Variants in BICC1 observed in about 807,000 individuals in gnomAD.
BICC1 encodes protein bicaudal C homolog 1.
BICC1 carries 43 observed loss-of-function variants against 111.0 expected under a neutral mutation model. The ratio of observed to expected loss-of-function variants is 0.39; its 90% CI spans 0.30 to 0.50. The LOEUF (loss-of-function observed/expected upper bound fraction) is 0.50, where lower values mean the gene tolerates loss of function less well. Among genes scored for constraint, BICC1 ranks in the 20% least tolerant of loss-of-function variants. The pLI is 0.88. For synonymous variants in BICC1, 467 were observed against 434.4 expected, an observed-to-expected ratio of 1.07 and a Z score of -0.93; for missense variants, 1,091 against 1,203.2, an observed-to-expected ratio of 0.91 and a Z score of 1.38.
At chr10:58,694,736 A>G (rs905342525) in intron 2 of BICC1, among the ~76,000 whole-genome samples, 1 of 152,146 alleles carries the variant, frequency 6.6e-6, no homozygotes, top group Non-Finnish European at 1.5e-5. Flanking sequence ...TGGTGGGGAC[A>G]CTAATCTAGT....
chr10:58,802,820 A>G (rs1387623525), intron 14 of BICC1, among the ~76,000 whole-genome samples: 1 of 152,244 alleles, frequency 6.6e-6, no homozygotes, highest in Non-Finnish European at 1.5e-5. Context: ...CTTTAGCCCT[A>G]CAGTCAGAGT....
chr10:58,720,597 CATT>C (rs1042365587), intron 3 of BICC1, among the ~76,000 whole-genome samples: 1 of 152,112 alleles, frequency 6.6e-6, no homozygotes, highest in Non-Finnish European at 1.5e-5. Flanking sequence ...TGGGGAGAAT[CATT>C]ATGTGTTACA....
intron 3 of BICC1, among the ~76,000 whole-genome samples, chr10:58,751,417 A>G (rs1018143800): frequency 3.3e-5 from 5 of 152,208 alleles, no homozygotes; most frequent in Non-Finnish European, 7.3e-5. Context: ...GTAATAAAAT[A>G]TAAATGTTAA....
intron 2 of BICC1, among the ~76,000 whole-genome samples, chr10:58,661,151 G>C (rs1411254804): frequency 2.6e-5 from 4 of 151,884 alleles, no homozygotes; most frequent in Admixed American, 1.3e-4. Flanking sequence ...GGTTTTTTAA[G>C]GGGGAAGATT....
At chr10:58,713,126 T>G (rs1223757945) in intron 3 of BICC1, among the ~76,000 whole-genome samples, 1 of 152,146 alleles carries the variant, frequency 6.6e-6, no homozygotes, top group Non-Finnish European at 1.5e-5. Context: ...AAAAGGAAAG[T>G]GAGGAAAATG....
chr10:58,631,980 G>T (rs1410678108), intron 2 of BICC1, among the ~76,000 whole-genome samples: 3 of 138,212 alleles, frequency 2.2e-5, no homozygotes, highest in Non-Finnish European at 4.9e-5. Flanking sequence ...TTCCTAGGTT[G>T]GTAGGTTCCA....
chr10:58,698,896 T>C (rs933436308), intron 2 of BICC1, among the ~76,000 whole-genome samples: 2 of 152,198 alleles, frequency 1.3e-5, no homozygotes, highest in Admixed American at 6.5e-5. Context: ...CTGGTATTTG[T>C]CTCCGGAGTC....
At chr10:58,659,876 G>A (rs1269308606) in intron 2 of BICC1, among the ~76,000 whole-genome samples, 1 of 152,126 alleles carries the variant, frequency 6.6e-6, no homozygotes, top group African/African-American at 2.4e-5. Context: ...TATTATTATA[G>A]CAACAAAGTA....
intron 17 of BICC1, among the ~76,000 whole-genome samples, chr10:58,811,095 G>T (rs1843888834): frequency 6.6e-6 from 1 of 152,274 alleles, no homozygotes; most frequent in East Asian, 1.9e-4. Flanking sequence ...TAGATAAGAA[G>T]CAGGCACTTT....
At chr10:58,693,331 G>A (rs1839969615) in intron 2 of BICC1, among the ~76,000 whole-genome samples, 1 of 152,160 alleles carries the variant, frequency 6.6e-6, no homozygotes. Flanking sequence ...ACATGTGCAT[G>A]TGTCTTTATA....
intron 3 of BICC1, among the ~76,000 whole-genome samples, chr10:58,769,394 G>GTATATATATATA (rs1424916212): frequency 7.5e-5 from 8 of 107,338 alleles, no homozygotes; most frequent in African/African-American, 2.1e-4. Flanking sequence ...GTGTGTGTGT[G>GTATATATATATA]TGTGTGTGTG....
At chr10:58,577,383 A>G (rs986848072) in intron 1 of BICC1, among the ~76,000 whole-genome samples, 17 of 152,172 alleles carry the variant, frequency 1.1e-4, no homozygotes, top group African/African-American at 4.1e-4. Context: ...TACAAATTTA[A>G]AAGATAGGGA....
chr10:58,607,807 C>A (rs1409542943), intron 1 of BICC1, among the ~76,000 whole-genome samples: 1 of 152,182 alleles, frequency 6.6e-6, no homozygotes, highest in African/African-American at 2.4e-5. Flanking sequence ...ATAACTGCTA[C>A]ATGGCTGTCT....
intron 1 of BICC1, among the ~76,000 whole-genome samples, chr10:58,608,359 C>T (rs1294989773): frequency 6.6e-6 from 1 of 152,156 alleles, no homozygotes; most frequent in East Asian, 1.9e-4. Flanking sequence ...CTCCCCTGGC[C>T]TGTACCATCT....
At chr10:58,693,705 GTTGT>G (rs756986681) in intron 2 of BICC1, among the ~76,000 whole-genome samples, 17 of 152,156 alleles carry the variant, frequency 1.1e-4, no homozygotes, top group South Asian at 2.1e-4. Context: ...TTTTGATGGG[GTTGT>G]TTGTTTTTTT....
rs751441862 is a variant in BICC1 at position 58,798,551 on chromosome 10, A to G, written c.1519A>G (p.Ser507Gly). 3 of 1,607,178 alleles carry G rather than the reference A, an allele frequency of 1.9e-6. No individual in the cohort carries two copies. The South Asian group carries it at 3.3e-5, about 18-fold the overall frequency. ...GGCACCCCCACTTGCTAATACTTCA[A>G]GTGCCACAGGTCAGTATCATTTAAG... is the stretch of plus-strand genomic sequence containing the variant. The part of the protein sequence containing the change: ...LWAPPLANTS[S>G]ATGFSAIPHL... Residue 507 changes from serine (S) to glycine (G), a missense_variant, in exon 11 of 21, where the codon AGT (serine) becomes GGT (glycine). By Grantham distance (56) the Ser-to-Gly change is moderately conservative (BLOSUM62 0). Coordinates refer to ENST00000373886, the MANE Select transcript of BICC1 (RefSeq NM_001080512.3).
chr10:58,587,477 G>A (rs16912400), intron 1 of BICC1, among the ~76,000 whole-genome samples: 5,393 of 152,122 alleles, frequency 0.035, 295 homozygotes, highest in African/African-American at 0.12. Flanking sequence ...AGGACTTTTC[G>A]TAAAATCTTT....
At chr10:58,560,025 T>G (rs2131945193) in intron 1 of BICC1, among the ~76,000 whole-genome samples, 1 of 149,486 alleles carries the variant, frequency 6.7e-6, no homozygotes, top group African/African-American at 2.4e-5. Flanking sequence ...GCAGTATTCT[T>G]TTTTTTTTTG....
chr10:58,747,815 GCAAA>G (rs1841877166), intron 3 of BICC1, among the ~76,000 whole-genome samples: 1 of 152,082 alleles, frequency 6.6e-6, no homozygotes, highest in Admixed American at 6.6e-5. Flanking sequence ...TCAGGGATTG[GCAAA>G]CCACATTTCA....
Sources: allele counts gnomAD v4.1 joint callset (sites outside exome capture counted in the v4.1 genomes callset), GRCh38; gene constraint gnomAD v4.1.1; transcripts MANE v1.5; gene names NCBI Gene and HGNC (gene_info 2026-07-23, HGNC 2026-07-21).